FARS2: variants seen among roughly 807,000 people sequenced by gnomAD.
The protein encoded by FARS2 is phenylalanine--tRNA ligase, mitochondrial.
A neutral mutation model predicts 46.4 loss-of-function variants in FARS2; 40 were observed. The observed-to-expected ratio is 0.86, with a 90% CI of 0.67 to 1.12. The LOEUF (loss-of-function observed/expected upper bound fraction) is 1.12. Ranked by LOEUF, FARS2 falls within the 50% of genes most tolerant of loss-of-function variation. The probability of loss-of-function intolerance (pLI) is 0.00; values close to 1 mark genes in which losing one functional copy is unlikely to be tolerated. For missense variants in FARS2, 513 were observed against 567.9 expected (o/e 0.90, Z 0.98); for synonymous variants, 234 against 214.9 (o/e 1.09, Z -0.78).
chr6:5,539,838 G>A (rs1806560), intron 4 of FARS2, among the ~76,000 whole-genome samples: 1 of 151,820 alleles, frequency 6.6e-6, no homozygotes, highest in Non-Finnish European at 1.5e-5. Context: ...AGCTTACCTC[G>A]TCACACAGGA....
intron 1 of FARS2, among the ~76,000 whole-genome samples, chr6:5,357,379 G>A (rs1325098784): frequency 6.6e-6 from 1 of 152,184 alleles, no homozygotes; most frequent in Non-Finnish European, 1.5e-5. Flanking sequence ...AACATTGTCT[G>A]AAGCAACTTG....
chr6:5,359,653 T>C lies in FARS2; in HGVS notation c.-21-8897T>C, dbSNP rs187427052. ...GGCCTTTGCCAACCTGTGGAAGCCA[T>C]GTGCCCCGGGCAGTGAAATCCAGTG... On this transcript the variant is annotated intron_variant, in intron 1 of 6. Transcript: ENST00000274680. Among the ~76,000 whole-genome samples, 60 of 152,368 alleles carry C rather than the reference T, an allele frequency of 3.9e-4. 1 individual carries two copies. Among genetic ancestry groups the C allele is most frequent in the Middle Eastern group, 3.4e-3 (1 of 294 alleles).
At chr6:5,634,820 C>T (rs1206870262) in intron 6 of FARS2, among the ~76,000 whole-genome samples, 2 of 152,174 alleles carry the variant, frequency 1.3e-5, no homozygotes, top group Non-Finnish European at 2.9e-5. Context: ...GTGTGCCCTT[C>T]GACCCAGCTA....
intron 1 of FARS2, among the ~76,000 whole-genome samples, chr6:5,277,708 A>G (rs550705150): frequency 6.6e-6 from 1 of 152,242 alleles, no homozygotes; most frequent in Non-Finnish European, 1.5e-5. Flanking sequence ...AAGATTTGAA[A>G]GATATTTTGG....
chr6:5,690,641 C>T (rs1757633296), intron 6 of FARS2, among the ~76,000 whole-genome samples: 1 of 151,984 alleles, frequency 6.6e-6, no homozygotes, highest in Non-Finnish European at 1.5e-5. Context: ...TTTTTTCCTT[C>T]ATTTCAACTT....
chr6:5,728,365 C>T lies in FARS2; in HGVS notation c.1218-42926C>T, dbSNP rs1237590704. ...GATTATGGATTTTGGAGCATTAAAGCTTTATTGTTTTTGTTTTTTGTTTTG... is the reference window on the plus strand; with the variant it reads ...GATTATGGATTTTGGAGCATTAAAGTTTTATTGTTTTTGTTTTTTGTTTTG... On this transcript the variant is annotated intron_variant, in intron 6 of 6. Transcript: ENST00000274680. Among the ~76,000 whole-genome samples, 5 of 152,066 alleles carry T rather than the reference C, an allele frequency of 3.3e-5. 1 individual carries two copies. The East Asian group carries it at 7.8e-4, about 24-fold the overall frequency.
intron 4 of FARS2, among the ~76,000 whole-genome samples, chr6:5,448,857 A>G (rs896091750): frequency 6.6e-6 from 1 of 152,192 alleles, no homozygotes; most frequent in African/African-American, 2.4e-5. Flanking sequence ...GGATGGTGCT[A>G]AGTTAGCCTT....
intron 5 of FARS2, among the ~76,000 whole-genome samples, chr6:5,590,176 T>C (rs1773832699): frequency 6.6e-6 from 1 of 152,226 alleles, no homozygotes; most frequent in Non-Finnish European, 1.5e-5. Context: ...GGACTGGATC[T>C]CAGTGCAGGC....
intron 4 of FARS2, among the ~76,000 whole-genome samples, chr6:5,480,466 T>C (rs1425265485): frequency 6.6e-6 from 1 of 152,262 alleles, no homozygotes; most frequent in African/African-American, 2.4e-5. Flanking sequence ...GGTGTTTCTT[T>C]TCTCTTCCTG....
intron 6 of FARS2, among the ~76,000 whole-genome samples, chr6:5,721,166 A>C (rs1759880544): frequency 6.6e-6 from 1 of 152,244 alleles, no homozygotes; most frequent in Non-Finnish European, 1.5e-5. Flanking sequence ...TCTATGAAAA[A>C]TAACTATAAA....
intron 4 of FARS2, among the ~76,000 whole-genome samples, chr6:5,538,664 A>G (rs1208949366): frequency 6.6e-6 from 1 of 152,204 alleles, no homozygotes; most frequent in Non-Finnish European, 1.5e-5. Flanking sequence ...TATATGATAG[A>G]GTGGTCACGT....
intron 1 of FARS2, among the ~76,000 whole-genome samples, chr6:5,317,347 C>T (rs1396111137): frequency 1.3e-5 from 2 of 152,164 alleles, no homozygotes; most frequent in Non-Finnish European, 2.9e-5. Context: ...CAGACTCAGG[C>T]AGTGGTTTTT....
chr6:5,727,947 A>C lies in FARS2; in HGVS notation c.1218-43344A>C, dbSNP rs1342628185. Among the ~76,000 whole-genome samples, 3 of 152,178 alleles carry C rather than the reference A, an allele frequency of 2.0e-5. No individual in the cohort carries two copies. Among genetic ancestry groups the C allele is most frequent in the Admixed American group, 6.5e-5 (1 of 15,272 alleles). On this transcript the variant is annotated intron_variant, in intron 6 of 6. Transcript: ENST00000274680. This position sits in a 1 kb window ranked among gnomAD's most constrained non-coding sequence, Gnocchi z 4.1. ...AGGTGAATGACGCTGTTAGAGGGGA[A>C]GTGTTGGGGTGAAAGGTCCCTGGGA...
chr6:5,546,862 C>T (rs116027200), intron 5 of FARS2, among the ~76,000 whole-genome samples: 1 of 151,886 alleles, frequency 6.6e-6, no homozygotes, highest in Non-Finnish European at 1.5e-5. Flanking sequence ...CATTTATCTA[C>T]TGAAATGCTT....
intron 4 of FARS2, among the ~76,000 whole-genome samples, chr6:5,473,533 C>CAAAAAAAAAACAAAAAAAAAAAAAA (rs1561645247): frequency 1.2e-5 from 1 of 82,128 alleles, no homozygotes; most frequent in African/African-American, 3.8e-5. Context: ...TCTCAAAAAA[C>CAAAAAAAAAACAAAAAAAAAAAAAA]AAAAAAAAAA....
At chr6:5,408,788 C>T (rs191547266) in intron 3 of FARS2, among the ~76,000 whole-genome samples, 26 of 152,238 alleles carry the variant, frequency 1.7e-4, no homozygotes, top group Non-Finnish European at 2.1e-4. Flanking sequence ...CAAAGAGCAA[C>T]GGTCATGGCT....
At chr6:5,250,184 A>G in the FARS2 span, among the ~76,000 whole-genome samples, 1 of 152,010 alleles carries the variant, frequency 6.6e-6, no homozygotes, top group Admixed American at 6.6e-5. Flanking sequence ...TTTAATTATA[A>G]CAAGTATTTT....
rs571504803 is a variant in FARS2, at chr6:5,306,463, A to G, written c.-22+44803A>G. 2.0e-5 allele frequency among the ~76,000 whole-genome samples: 3 copies of G among 152,292 alleles called. No homozygotes were observed. In the South Asian group the frequency reaches 6.2e-4, roughly 32 times the overall value. On this transcript the variant is annotated intron_variant, in intron 1 of 6. Coordinates refer to ENST00000274680, the MANE Select transcript of FARS2 (RefSeq NM_006567.5). ...GGTGGCTTGAGGCCCCTTGAAATTG[A>G]TGTGAACCTCGTAAGCTGTCAGCAG...
intron 1 of FARS2, among the ~76,000 whole-genome samples, chr6:5,356,574 ATG>A (rs1757945693): frequency 6.6e-6 from 1 of 152,136 alleles, no homozygotes; most frequent in Admixed American, 6.6e-5. Context: ...GAAAACATGT[ATG>A]TTAAGAGCTT....
Sources: allele counts gnomAD v4.1 joint callset (sites outside exome capture counted in the v4.1 genomes callset), GRCh38; gene constraint gnomAD v4.1.1; non-coding constraint Gnocchi (gnomAD v3.1); transcripts MANE v1.5; gene names NCBI Gene and HGNC (gene_info 2026-07-23, HGNC 2026-07-21).